Variants in PSMF1 observed in about 807,000 individuals in gnomAD.
PSMF1 encodes the protein proteasome inhibitor subunit 1.
Under a neutral mutation model 29.3 loss-of-function variants are expected in PSMF1, and 30 were observed. That is an observed-to-expected ratio of 1.02 (90% CI 0.77 to 1.39). PSMF1 has a LOEUF of 1.39. Ranked by LOEUF, PSMF1 falls within the 40% of genes most tolerant of loss-of-function variation. The pLI is 0.00. For synonymous variants in PSMF1, 134 were observed against 139.7 expected (o/e 0.96, Z 0.29); for missense variants, 344 against 357.5 (o/e 0.96, Z 0.31).
At chr20:1,136,583 A>G (rs1276950798) in intron 4 of PSMF1, among the ~76,000 whole-genome samples, 1 of 152,238 alleles carries the variant, frequency 6.6e-6, no homozygotes, top group Admixed American at 6.5e-5. Flanking sequence ...AAATCAGTAT[A>G]AAGTCCTAAC....
intron 4 of PSMF1, chr20:1,160,697 C>A: frequency 2.0e-6 from 1 of 492,522 alleles, no homozygotes; most frequent in Non-Finnish European, 4.1e-6. Flanking sequence ...TCAGGTGCCC[C>A]CAACACCAGG....
chr20:1,121,079 C>T (rs1424683123), intron 1 of PSMF1, among the ~76,000 whole-genome samples: 11 of 152,210 alleles, frequency 7.2e-5, no homozygotes, highest in Non-Finnish European at 1.6e-4. Context: ...CTCAAGGCTC[C>T]AAAATTTTCA....
intron 4 of PSMF1, among the ~76,000 whole-genome samples, chr20:1,159,965 C>T (rs1316802940): frequency 3.9e-5 from 6 of 152,254 alleles, no homozygotes; most frequent in Non-Finnish European, 5.9e-5. Context: ...CTGGCAGGAA[C>T]GTGCCAGTGC....
At chr20:1,137,830 A>G (rs1035850456) in intron 4 of PSMF1, among the ~76,000 whole-genome samples, 4 of 152,254 alleles carry the variant, frequency 2.6e-5, no homozygotes, top group Non-Finnish European at 5.9e-5. Flanking sequence ...TGTTAAAAAA[A>G]GTCTTTATCT....
chr20:1,156,230 GA>G (rs1036448636), intron 4 of PSMF1, among the ~76,000 whole-genome samples: 3 of 152,036 alleles, frequency 2.0e-5, no homozygotes, highest in Non-Finnish European at 4.4e-5. Flanking sequence ...ACAACAGAGA[GA>G]AAAAAAGATT....
In PSMF1 at chr20:1,118,716, G is replaced by T. The variant is rs547957206; in HGVS notation, c.-58G>T. 62 of 1,557,862 alleles carry T rather than the reference G, an allele frequency of 4.0e-5. No individual in the cohort carries two copies. In the East Asian group the frequency reaches 1.4e-3, roughly 35 times the overall value. ...TATAGCTACCCCGGCCGCGGAGCCGGCTCACTGCACTACCCCCGCCCCCTT... is the reference window on the plus strand; with the variant it reads ...TATAGCTACCCCGGCCGCGGAGCCGTCTCACTGCACTACCCCCGCCCCCTT... On this transcript the variant is annotated 5_prime_UTR_variant, in exon 1 of 7. Transcript: ENST00000335877.
chr20:1,156,121 TA>T (rs2086591749), intron 4 of PSMF1, among the ~76,000 whole-genome samples: 2 of 152,190 alleles, frequency 1.3e-5, no homozygotes, highest in African/African-American at 4.8e-5. Flanking sequence ...AAAAATACTG[TA>T]AGAAAATTTA....
In PSMF1 at chr20:1,138,230, C is replaced by A. The variant is rs145683568; in HGVS notation, c.551+2924C>A. ...TCCTTTATGAATACAGATATGAAAACCCTTAACAAAGTACTAACAAACCAA... is the reference window on the plus strand; with the variant it reads ...TCCTTTATGAATACAGATATGAAAAACCTTAACAAAGTACTAACAAACCAA... On this transcript the variant is annotated intron_variant, in intron 4 of 6. Transcript: ENST00000335877. 2.1e-4 allele frequency among the ~76,000 whole-genome samples: 32 copies of A among 152,130 alleles called. No homozygotes were observed. In the East Asian group the frequency reaches 6.2e-3, roughly 29 times the overall value.
chr20:1,156,612 G>A (rs1476802177), intron 4 of PSMF1, among the ~76,000 whole-genome samples: 1 of 152,152 alleles, frequency 6.6e-6, no homozygotes, highest in Non-Finnish European at 1.5e-5. Context: ...CATTCTTAAA[G>A]TATGGAGAGA....
intron 1 of PSMF1, among the ~76,000 whole-genome samples, chr20:1,121,547 A>G (rs1340485360): frequency 6.6e-6 from 1 of 152,156 alleles, no homozygotes; most frequent in Non-Finnish European, 1.5e-5. Context: ...GCCTGGGGCC[A>G]GCCAACTCAG....
intron 4 of PSMF1, among the ~76,000 whole-genome samples, chr20:1,151,841 A>G (rs770005368): frequency 4.6e-5 from 7 of 152,320 alleles, no homozygotes; most frequent in Non-Finnish European, 1.0e-4. Flanking sequence ...ATTGAGGGTA[A>G]TTGACTTTTA....
rs975727175 is a variant in PSMF1 at position 1,164,859 on chromosome 20, G to T, written c.765-170G>T. Among the ~76,000 whole-genome samples the T allele has an allele frequency of 8.5e-5, 13 of 152,132 alleles. No homozygotes were observed. Among genetic ancestry groups the T allele is most frequent in the Non-Finnish European group, 1.6e-4 (11 of 68,040 alleles). ...AGATTAGGTAACTTATACCAAGCGGGGGAGTCAGGATTCAAACCCCGGTTG... is the reference window on the plus strand; with the variant it reads ...AGATTAGGTAACTTATACCAAGCGGTGGAGTCAGGATTCAAACCCCGGTTG... On this transcript the variant is annotated intron_variant, in intron 6 of 6. Coordinates refer to ENST00000335877, the MANE Select transcript of PSMF1 (RefSeq NM_006814.5). The surrounding 1 kb of genome is among the most constrained non-coding windows in gnomAD (Gnocchi z 4.1).
intron 4 of PSMF1, among the ~76,000 whole-genome samples, chr20:1,136,677 A>C (rs1423266531): frequency 6.6e-6 from 1 of 152,254 alleles, no homozygotes; most frequent in African/African-American, 2.4e-5. Context: ...ACTGGAGAGC[A>C]TGGATGTTTA....
upstream of PSMF1, among the ~76,000 whole-genome samples, chr20:1,115,836 G>A (rs978329348): frequency 2.6e-5 from 4 of 151,280 alleles, no homozygotes; most frequent in Non-Finnish European, 5.9e-5. Context: ...GGGTTCAAGC[G>A]ATTCTCCTGC....
rs200084263 is a variant in PSMF1 at position 1,133,551 on chromosome 20, A to ATGTG, written c.366-1568_366-1565dup. ...GTTCATAGGATATACTAGTCTATAT[A>ATGTG]TGTGTATATATATATATATTTTTTT... On this transcript the variant is annotated intron_variant, in intron 3 of 6. Coordinates refer to ENST00000335877, the MANE Select transcript of PSMF1 (RefSeq NM_006814.5). 9.7e-3 allele frequency among the ~76,000 whole-genome samples: 595 copies of ATGTG among 61,126 alleles called. 29 individuals are homozygous for ATGTG. Among genetic ancestry groups the ATGTG allele is most frequent in the African/African-American group, 0.029 (501 of 17,438 alleles). The allele number at this position is 61,126 out of a possible 152,430, so 40.1% of individuals were successfully genotyped here. A position where few individuals can be genotyped will look rare whatever the true frequency, so the allele number is the denominator to read the frequency against.
chr20:1,125,467 ATCTT>A, intron 1 of PSMF1, 27 bp from the exon 2 acceptor site: 2 of 1,567,378 alleles, frequency 1.3e-6, no homozygotes, highest in Non-Finnish European at 8.6e-7. Context: ...TGAGTTCATG[ATCTT>A]TCTCCTCTCA....
At chr20:1,139,068 C>CG (rs1452560126) in intron 4 of PSMF1, among the ~76,000 whole-genome samples, 1 of 151,674 alleles carries the variant, frequency 6.6e-6, no homozygotes, top group Non-Finnish European at 1.5e-5. Flanking sequence ...CCCAGCTACT[C>CG]GGTAGGCTGA....
intron 4 of PSMF1, among the ~76,000 whole-genome samples, chr20:1,136,316 G>A (rs536299648): frequency 6.6e-6 from 1 of 152,316 alleles, no homozygotes; most frequent in East Asian, 1.9e-4. Context: ...GGGTCTAGGT[G>A]TCCTTACTCC....
rs1451139835 is a variant in PSMF1 at position 1,168,673 on chromosome 20, C to T, written c.*3593C>T. ...GTTAGAAAATAGGTAGCAAGTTCCA[C>T]GCAGCCTCACTCTTTGGAACCTAGT... On this transcript the variant is annotated 3_prime_UTR_variant, in exon 7 of 7. Coordinates refer to ENST00000335877, the MANE Select transcript of PSMF1 (RefSeq NM_006814.5). 1.3e-5 allele frequency among the ~76,000 whole-genome samples: 2 copies of T among 152,204 alleles called. No individual in the cohort carries two copies. Among genetic ancestry groups the T allele is most frequent in the East Asian group, 1.9e-4 (1 of 5,202 alleles).
Sources: allele counts gnomAD v4.1 joint callset (sites outside exome capture counted in the v4.1 genomes callset), GRCh38; gene constraint gnomAD v4.1.1; non-coding constraint Gnocchi (gnomAD v3.1); transcripts MANE v1.5; gene names NCBI Gene and HGNC (gene_info 2026-07-23, HGNC 2026-07-21).